Variants in LRFN2 observed in about 807,000 individuals in gnomAD.
LRFN2 encodes leucine-rich repeat and fibronectin type-III domain-containing protein 2.
LRFN2 carries 18 observed loss-of-function variants against 37.3 expected under a neutral mutation model. The observed-to-expected ratio is 0.48, with a 90% confidence interval of 0.33 to 0.72. LRFN2 has a LOEUF of 0.72. Ranked by LOEUF, LRFN2 falls within the 30% of genes least tolerant of loss-of-function variation. The probability of loss-of-function intolerance (pLI) is 0.02; values close to 1 mark genes in which losing one functional copy is unlikely to be tolerated. For synonymous variants in LRFN2, 556 were observed against 466.6 expected, an observed-to-expected ratio of 1.19 and a Z score of -2.47; for missense variants, 1,006 against 1,060.7, an observed-to-expected ratio of 0.95 and a Z score of 0.72.
intron 1 of LRFN2, among the ~76,000 whole-genome samples, chr6:40,560,158 G>A (rs1766967351): frequency 6.6e-6 from 1 of 152,208 alleles, no homozygotes; most frequent in African/African-American, 2.4e-5. Flanking sequence ...CACAGAAGGT[G>A]CTAAATAAGT....
Position 40,443,406 on chromosome 6 carries a change from G to A in LRFN2, c.-18-10275C>T, listed in dbSNP as rs75918792. ...CTCACATGCATTAGCCAGCTCTGAA[G>A]TATTTACCAAGCAGCCACAAAAGGG... On this transcript the variant is annotated intron_variant, in intron 1 of 2. Transcript: ENST00000338305. Among the ~76,000 whole-genome samples, 894 of 152,322 alleles carry A rather than the reference G, an allele frequency of 5.9e-3. 8 individuals carry two copies. The highest frequency in any genetic ancestry group is 9.7e-3 in the Non-Finnish European group (662 of 68,024).
chr6:40,542,227 C>G (rs1766566328), intron 1 of LRFN2, among the ~76,000 whole-genome samples: 1 of 152,198 alleles, frequency 6.6e-6, no homozygotes, highest in African/African-American at 2.4e-5. Flanking sequence ...GCCTCACACA[C>G]CCTGCGATGA....
At chr6:40,494,850 C>CA (rs796643106) in intron 1 of LRFN2, among the ~76,000 whole-genome samples, 12 of 152,312 alleles carry the variant, frequency 7.9e-5, no homozygotes, top group African/African-American at 2.9e-4. Context: ...GTTGATGAAA[C>CA]AGTGTTCTTA....
chr6:40,473,054 T>C (rs1330675698), intron 1 of LRFN2, among the ~76,000 whole-genome samples: 1 of 152,130 alleles, frequency 6.6e-6, no homozygotes, highest in Non-Finnish European at 1.5e-5. Context: ...TCCCTGCCTC[T>C]CGGGATCCAG....
chr6:40,504,209 G>A (rs1376375779), intron 1 of LRFN2, among the ~76,000 whole-genome samples: 1 of 152,216 alleles, frequency 6.6e-6, no homozygotes, highest in African/African-American at 2.4e-5. Context: ...TGACTTAGGA[G>A]TAAAAGCTAG....
intron 1 of LRFN2, among the ~76,000 whole-genome samples, chr6:40,485,513 C>T (rs1490466540): frequency 6.6e-6 from 1 of 152,138 alleles, no homozygotes; most frequent in East Asian, 1.9e-4. Flanking sequence ...GGCCCCACTC[C>T]CCTGGACAGA....
At position 40,559,762 on chromosome 6, in the gene LRFN2, C is replaced by T. The variant is rs77532208; in HGVS notation, c.-19+27179G>A. 5.1e-3 allele frequency among the ~76,000 whole-genome samples: 781 copies of T among 152,284 alleles called. 49 individuals are homozygous for T. In the East Asian group the frequency reaches 0.13, roughly 24 times the overall value. On this transcript the variant is annotated intron_variant, in intron 1 of 2. Transcript: ENST00000338305. Reference sequence around the variant, plus strand: ...ACTCCACCCCTGCCCAAGCACCCTCCCAAAACTGAAGGGCATTTCATCCGC... The same window carrying T: ...ACTCCACCCCTGCCCAAGCACCCTCTCAAAACTGAAGGGCATTTCATCCGC...
At chr6:40,583,190 G>GTA (rs1302847612) in intron 1 of LRFN2, among the ~76,000 whole-genome samples, 8 of 53,724 alleles carry the variant, frequency 1.5e-4, no homozygotes, top group Admixed American at 6.0e-4. Context: ...TGTATATAGT[G>GTA]TATATATAGA....
chr6:40,565,665 G>C (rs1767077205), intron 1 of LRFN2, among the ~76,000 whole-genome samples: 1 of 151,728 alleles, frequency 6.6e-6, no homozygotes, highest in Admixed American at 6.6e-5. Context: ...ATGGTGCTGG[G>C]AAAACTGGCT....
chr6:40,507,632 T>G (rs1315400996), intron 1 of LRFN2, among the ~76,000 whole-genome samples: 1 of 152,100 alleles, frequency 6.6e-6, no homozygotes, highest in Non-Finnish European at 1.5e-5. Context: ...CTCTGAAAAT[T>G]GGGAAGAATG....
At chr6:40,521,131 G>A (rs1432057893) in intron 1 of LRFN2, among the ~76,000 whole-genome samples, 3 of 152,122 alleles carry the variant, frequency 2.0e-5, no homozygotes, top group Admixed American at 6.5e-5. Flanking sequence ...AGAAGAGGAG[G>A]GGACAGGAAA....
At chr6:40,492,239 C>T (rs1161878959) in intron 1 of LRFN2, among the ~76,000 whole-genome samples, 5 of 152,162 alleles carry the variant, frequency 3.3e-5, no homozygotes, top group Non-Finnish European at 5.9e-5. Flanking sequence ...ATGAAAGAGC[C>T]CTCCCCTGAG....
chr6:40,581,271 G>A (rs1008373174), intron 1 of LRFN2, among the ~76,000 whole-genome samples: 5 of 152,208 alleles, frequency 3.3e-5, no homozygotes, highest in African/African-American at 1.2e-4. Context: ...TGTCTGCTCT[G>A]AGGCTGGATC....
At chr6:40,582,732 T>G (rs1052778581) in intron 1 of LRFN2, among the ~76,000 whole-genome samples, 2 of 141,420 alleles carry the variant, frequency 1.4e-5, no homozygotes, top group African/African-American at 5.3e-5. Context: ...AAAAAAAGAC[T>G]GATAAATCAT....
chr6:40,465,269 T>C (rs547010158), intron 1 of LRFN2, among the ~76,000 whole-genome samples: 1 of 152,244 alleles, frequency 6.6e-6, no homozygotes, highest in African/African-American at 2.4e-5. Context: ...TTGATTTTAG[T>C]TTAATGAGAC....
At chr6:40,513,016 A>AGGCATTTCTTTAGCATGTCCTTAGT in intron 1 of LRFN2, among the ~76,000 whole-genome samples, 1 of 152,160 alleles carries the variant, frequency 6.6e-6, no homozygotes, top group Non-Finnish European at 1.5e-5. Context: ...TGCTTGTAAC[A>AGGCATTTCTTTAGCATGTCCTTAGT]GGCATTTCTT....
chr6:40,520,400 G>A (rs1021583641), intron 1 of LRFN2, among the ~76,000 whole-genome samples: 3 of 152,112 alleles, frequency 2.0e-5, no homozygotes, highest in Non-Finnish European at 4.4e-5. Context: ...GGGAGGTTAT[G>A]GAACATGGGA....
At chr6:40,423,438 C>T (rs952819053) in intron 2 of LRFN2, among the ~76,000 whole-genome samples, 22 of 152,176 alleles carry the variant, frequency 1.4e-4, no homozygotes, top group Non-Finnish European at 2.8e-4. Flanking sequence ...ATGAAGAACG[C>T]TCTTTCAAAT....
chr6:40,539,909 G>A (rs779612994), intron 1 of LRFN2, among the ~76,000 whole-genome samples: 4 of 152,124 alleles, frequency 2.6e-5, no homozygotes, highest in African/African-American at 7.2e-5. Flanking sequence ...GTAACCAAGA[G>A]AGGATAATCC....
Sources: gnomAD v4.1 joint callset for allele counts (sites outside exome capture counted in the v4.1 genomes callset) on GRCh38, gnomAD v4.1.1 for gene constraint, MANE v1.5 for transcripts, NCBI Gene and HGNC (gene_info 2026-07-23, HGNC 2026-07-21) for gene names.